The following LRRC8C variants were observed in gnomAD, a reference collection of about 807,000 sequenced individuals.
LRRC8C encodes the protein leucine rich repeat containing 8 VRAC subunit C, also known as volume-regulated anion channel subunit LRRC8C.
A neutral mutation model predicts 55.3 loss-of-function variants in LRRC8C; 20 were observed. The observed-to-expected ratio is 0.36, with a 90% CI of 0.25 to 0.53. LRRC8C has a LOEUF of 0.53. LRRC8C is among the 20% of genes least tolerant of loss of function. LRRC8C has a pLI of 0.92. For synonymous variants in LRRC8C, 376 were observed against 360.7 expected, an observed-to-expected ratio of 1.04 and a Z score of -0.48; for missense variants, 659 against 951.4, an observed-to-expected ratio of 0.69 and a Z score of 4.04.
At chr1:89,665,983 T>C (rs1388743634) in intron 1 of LRRC8C, among the ~76,000 whole-genome samples, 2 of 152,204 alleles carry the variant, frequency 1.3e-5, no homozygotes, top group Non-Finnish European at 2.9e-5. Context: ...GAAAATGCTG[T>C]ACAGATTTAT....
At chr1:89,676,053 A>G (rs534369798) in intron 1 of LRRC8C, among the ~76,000 whole-genome samples, 1 of 152,394 alleles carries the variant, frequency 6.6e-6, no homozygotes, top group African/African-American at 2.4e-5. Context: ...CGGAATAGGC[A>G]TTAAATAATT....
At chr1:89,680,239 G>C in intron 1 of LRRC8C, among the ~76,000 whole-genome samples, 1 of 151,962 alleles carries the variant, frequency 6.6e-6, no homozygotes, top group East Asian at 1.9e-4. Context: ...CACTACGCCC[G>C]GCTAATTTTT....
intron 1 of LRRC8C, among the ~76,000 whole-genome samples, chr1:89,651,567 C>CAA (rs1179039674): frequency 0.024 from 928 of 39,192 alleles, 26 homozygotes; most frequent in African/African-American, 0.059. Context: ...GACTCTGTCT[C>CAA]AAAAAAAAAA....
At position 89,717,936 on chromosome 1, in the gene LRRC8C, A is replaced by T. The variant is rs1393499990; in HGVS notation, c.*2954A>T. The stretch of plus-strand genomic sequence containing the variant: ...TAACTCCTATGGCTGCTTGAAGCTC[A>T]TGATGAAAAAGTCTTTTTGTCAGTT... On this transcript the variant is annotated 3_prime_UTR_variant, in exon 3 of 3. Transcript: ENST00000370454. 6.6e-6 allele frequency: 1 copy of T among 152,220 alleles called. No individual in the cohort carries two copies. Among genetic ancestry groups the T allele is most frequent in the Non-Finnish European group, 1.5e-5 (1 of 68,018 alleles). 9.4% of individuals were successfully genotyped at this position (152,220 alleles called of 1,614,324 possible). A position where few individuals can be genotyped will look rare whatever the true frequency, so the allele number is the denominator to read the frequency against.
intron 2 of LRRC8C, among the ~76,000 whole-genome samples, chr1:89,689,440 T>A (rs1481235872): frequency 6.6e-6 from 1 of 152,190 alleles, no homozygotes; most frequent in Non-Finnish European, 1.5e-5. Context: ...TAGCATAATT[T>A]ATGTTTTAAC....
At position 89,716,847 on chromosome 1, in the gene LRRC8C, C is replaced by T. The variant is rs1334760982; in HGVS notation, c.*1865C>T. 5 of 152,134 alleles carry T rather than the reference C, an allele frequency of 3.3e-5. No homozygotes were observed. Among genetic ancestry groups the T allele is most frequent in the Non-Finnish European group, 2.9e-5 (2 of 68,024 alleles). The allele number at this position is 152,134 out of a possible 1,614,324, so 9.4% of individuals were successfully genotyped here. On this transcript the variant is annotated 3_prime_UTR_variant, in exon 3 of 3. Coordinates refer to ENST00000370454, the MANE Select transcript of LRRC8C (RefSeq NM_032270.5). ...ACAGAAACAAATGTTGGGAATTGCT[C>T]CTCAGAAATGTGTTCCTAAGTTGTG...
chr1:89,696,139 C>G (rs1203737153), intron 2 of LRRC8C, among the ~76,000 whole-genome samples: 2 of 152,142 alleles, frequency 1.3e-5, no homozygotes, highest in Non-Finnish European at 2.9e-5. Flanking sequence ...ACCAAATGCC[C>G]TAATTCTGAT....
In LRRC8C at chr1:89,713,801, C is replaced by T. The variant is rs750251531; in HGVS notation, c.1231C>T (p.Pro411Ser). 3.3e-5 allele frequency: 53 copies of T among 1,614,062 alleles called. No individual in the cohort carries two copies. The highest frequency in any genetic ancestry group is 4.1e-5 in the Non-Finnish European group (48 of 1,180,036). The change falls in exon 3 of 3, where the codon CCT (proline) becomes TCT (serine). Residue 411 changes from proline to serine, a missense_variant. This residue lies in a region of LRRC8C where 344 missense variants were observed against 464.6 expected (regional missense o/e 0.74). Transcript: ENST00000370454. The surrounding 1 kb of genome is among the most constrained non-coding windows in gnomAD (Gnocchi z 5.2). ...KQLNLNNEWT[P>S]DKLRQKLQTN... ...GCTGAACTTAAATAACGAATGGACT[C>T]CTGATAAACTGAGGCAGAAGCTACA...
At chr1:89,618,314 C>T in the LRRC8C span, among the ~76,000 whole-genome samples, 1 of 152,250 alleles carries the variant, frequency 6.6e-6, no homozygotes, top group Admixed American at 6.5e-5. Flanking sequence ...GGAAAAAGAC[C>T]AATATACTCT....
chr1:89,616,401 T>C, the LRRC8C span, among the ~76,000 whole-genome samples: 2 of 152,316 alleles, frequency 1.3e-5, no homozygotes, highest in East Asian at 3.9e-4. Flanking sequence ...CAGCCAAGTG[T>C]GCCCGAGGCA....
At chr1:89,687,410 G>A (rs1657911515) in intron 2 of LRRC8C, among the ~76,000 whole-genome samples, 7 of 152,192 alleles carry the variant, frequency 4.6e-5, no homozygotes, top group Admixed American at 4.6e-4. Context: ...AGAAAAGAAA[G>A]CTCTGAGTCA....
intron 1 of LRRC8C, among the ~76,000 whole-genome samples, chr1:89,680,298 C>T (rs1039523393): frequency 9.9e-5 from 15 of 151,912 alleles, no homozygotes; most frequent in African/African-American, 2.9e-4. Context: ...AGGATGGTCT[C>T]GATCTCCTGA....
rs541123712 is a variant in LRRC8C, at chr1:89,706,873, T to A, written c.139-5836T>A. 3.0e-4 allele frequency among the ~76,000 whole-genome samples: 46 copies of A among 152,312 alleles called. 1 individual carries two copies. In the South Asian group the frequency reaches 6.0e-3, roughly 20 times the overall value. ...GATCTTCAAGATCCTCTTTTATCTT[T>A]TCAAAAATAGCTGTTGTGTTTTCTC... On this transcript the variant is annotated intron_variant, in intron 2 of 2. Transcript: ENST00000370454.
chr1:89,621,215 C>A, the LRRC8C span, among the ~76,000 whole-genome samples: 2 of 151,222 alleles, frequency 1.3e-5, no homozygotes, highest in African/African-American at 4.9e-5. Context: ...AATCCCAACA[C>A]TTTGGGAGGC....
At chr1:89,651,365 G>A (rs1656772138) in intron 1 of LRRC8C, among the ~76,000 whole-genome samples, 4 of 152,042 alleles carry the variant, frequency 2.6e-5, no homozygotes, top group Admixed American at 2.6e-4. Flanking sequence ...TCAGGAGATC[G>A]AGACCATCCT....
At chr1:89,709,705 C>T (rs1317868092) in intron 2 of LRRC8C, among the ~76,000 whole-genome samples, 1 of 150,120 alleles carries the variant, frequency 6.7e-6, no homozygotes, top group Non-Finnish European at 1.5e-5. Flanking sequence ...CCTGATTCCT[C>T]TGTGTTTTTT....
intron 2 of LRRC8C, among the ~76,000 whole-genome samples, chr1:89,712,175 C>T (rs145549820): frequency 3.3e-4 from 50 of 152,292 alleles, no homozygotes; most frequent in African/African-American, 9.9e-4. Flanking sequence ...TGCAATGGCA[C>T]GATCTCGGCT....
intron 1 of LRRC8C, among the ~76,000 whole-genome samples, chr1:89,659,059 T>G (rs201660454): frequency 8.4e-4 from 50 of 59,250 alleles, no homozygotes; most frequent in African/African-American, 2.8e-3. Context: ...TTTTTTTTTT[T>G]TTTGTGTGTG....
intron 1 of LRRC8C, among the ~76,000 whole-genome samples, chr1:89,656,576 CAG>C (rs1248689263): frequency 6.6e-6 from 1 of 152,058 alleles, no homozygotes; most frequent in Non-Finnish European, 1.5e-5. Flanking sequence ...TGGCATTTCA[CAG>C]AGTTTGGTTT....
Sources: allele counts gnomAD v4.1 joint callset (sites outside exome capture counted in the v4.1 genomes callset), GRCh38; gene constraint gnomAD v4.1.1; regional missense constraint gnomAD v4.1.1; non-coding constraint Gnocchi (gnomAD v3.1); transcripts MANE v1.5; gene names NCBI Gene and HGNC (gene_info 2026-07-23, HGNC 2026-07-21).